PTPRG: variants seen among roughly 807,000 people sequenced by gnomAD.
PTPRG encodes protein tyrosine phosphatase receptor type G.
In PTPRG, 102 loss-of-function variants were observed where a neutral mutation model predicts 165.3. The ratio of observed to expected loss-of-function variants is 0.62; its 90% CI spans 0.53 to 0.73. PTPRG has a LOEUF of 0.73. Ranked by LOEUF, PTPRG falls within the 30% of genes least tolerant of loss-of-function variation. PTPRG has a pLI of 0.00. For synonymous variants in PTPRG, 675 were observed against 669.5 expected (o/e 1.01, Z -0.13); for missense variants, 1,866 against 1,861.4 (o/e 1.00, Z -0.05).
chr3:61,865,383 A>AT (rs1486205135), intron 2 of PTPRG, among the ~76,000 whole-genome samples: 1 of 152,078 alleles, frequency 6.6e-6, no homozygotes, highest in East Asian at 1.9e-4. Flanking sequence ...ATGTGTTGTT[A>AT]TTTTTTACTT....
chr3:62,136,792 AT>A (rs1372985941), intron 6 of PTPRG, among the ~76,000 whole-genome samples: 2 of 152,162 alleles, frequency 1.3e-5, no homozygotes, highest in African/African-American at 4.8e-5. Flanking sequence ...TTCCACCATG[AT>A]TATGAGGCCT....
chr3:61,646,912 T>C (rs1349600462), intron 1 of PTPRG, among the ~76,000 whole-genome samples: 6 of 152,220 alleles, frequency 3.9e-5, no homozygotes, highest in Admixed American at 3.9e-4. Context: ...CTTTACTCAG[T>C]GTAGCTCCCC....
At chr3:62,221,787 T>C (rs1700657188) in intron 13 of PTPRG, among the ~76,000 whole-genome samples, 1 of 152,230 alleles carries the variant, frequency 6.6e-6, no homozygotes, top group Non-Finnish European at 1.5e-5. Flanking sequence ...TTTGCAGTTA[T>C]TCTGATTTTT....
chr3:61,956,913 A>C (rs9830198), intron 2 of PTPRG, among the ~76,000 whole-genome samples: 14,336 of 152,150 alleles, frequency 0.094, 887 homozygotes, highest in African/African-American at 0.17. Context: ...AATTGCTTTG[A>C]GTCATCCCTG....
At chr3:62,106,512 T>C (rs1376663560) in intron 5 of PTPRG, among the ~76,000 whole-genome samples, 2 of 151,394 alleles carry the variant, frequency 1.3e-5, no homozygotes, top group Non-Finnish European at 2.9e-5. Flanking sequence ...GCTTTTTTTT[T>C]TTTTTTTTGG....
At position 62,095,180 on chromosome 3, in the gene PTPRG, T is replaced by C. The variant is rs143909662; in HGVS notation, c.615+16922T>C. ...GTCATAAAGCGAAGAGAGAGCACGG[T>C]GTACCATCACCAGTTGTTAAGCAGA... is the stretch of plus-strand genomic sequence containing the variant. On this transcript the variant is annotated intron_variant, in intron 5 of 29. Transcript: ENST00000474889. Among the ~76,000 whole-genome samples, 11 of 152,306 alleles carry C rather than the reference T, an allele frequency of 7.2e-5. 1 individual carries two copies. Among genetic ancestry groups the C allele is most frequent in the African/African-American group, 1.7e-4 (7 of 41,570 alleles).
At chr3:62,113,048 G>A (rs931109630) in intron 5 of PTPRG, among the ~76,000 whole-genome samples, 1 of 152,188 alleles carries the variant, frequency 6.6e-6, no homozygotes, top group African/African-American at 2.4e-5. Flanking sequence ...ATGTCTGAGA[G>A]ATGATTTAAC....
intron 4 of PTPRG, among the ~76,000 whole-genome samples, chr3:62,041,161 C>A (rs1044419849): frequency 3.3e-5 from 5 of 152,120 alleles, no homozygotes; most frequent in African/African-American, 9.7e-5. Flanking sequence ...TCGGCACTTA[C>A]AATATATTCA....
chr3:61,617,038 T>G (rs185059689), intron 1 of PTPRG, among the ~76,000 whole-genome samples: 101 of 152,344 alleles, frequency 6.6e-4, no homozygotes, highest in Middle Eastern at 6.8e-3. Context: ...TGCCTGATCC[T>G]GGTTTGTGTC....
chr3:61,880,731 G>A (rs1420687803), intron 2 of PTPRG, among the ~76,000 whole-genome samples: 4 of 151,916 alleles, frequency 2.6e-5, no homozygotes, highest in Non-Finnish European at 5.9e-5. Context: ...TGCATGAAAT[G>A]TTTAGCCAGA....
chr3:62,121,219 C>G (rs535418891), intron 5 of PTPRG, among the ~76,000 whole-genome samples: 1 of 151,818 alleles, frequency 6.6e-6, no homozygotes, highest in Non-Finnish European at 1.5e-5. Context: ...TCCCAAAGTG[C>G]TGGGATTACA....
intron 5 of PTPRG, among the ~76,000 whole-genome samples, chr3:62,109,973 C>T (rs1045625466): frequency 1.3e-5 from 2 of 152,052 alleles, no homozygotes; most frequent in African/African-American, 4.8e-5. Context: ...TTCCATGTTC[C>T]TGTGACATTC....
chr3:62,102,430 G>A (rs562137473), intron 5 of PTPRG, among the ~76,000 whole-genome samples: 4 of 152,162 alleles, frequency 2.6e-5, no homozygotes, highest in South Asian at 4.2e-4. Context: ...ACGCCTCCAC[G>A]CCTGGCTGAT....
intron 21 of PTPRG, among the ~76,000 whole-genome samples, chr3:62,272,529 G>A (rs928220696): frequency 2.0e-5 from 3 of 152,050 alleles, no homozygotes; most frequent in Admixed American, 6.6e-5. Flanking sequence ...AGTGAATAAC[G>A]TACGTCATCT....
intron 5 of PTPRG, among the ~76,000 whole-genome samples, chr3:62,122,492 G>A (rs1307648155): frequency 6.6e-6 from 1 of 152,150 alleles, no homozygotes; most frequent in Non-Finnish European, 1.5e-5. Context: ...AGAAAAAAAA[G>A]CTTTAGGATA....
intron 12 of PTPRG, among the ~76,000 whole-genome samples, chr3:62,204,908 G>T (rs1465307355): frequency 1.3e-5 from 2 of 152,096 alleles, no homozygotes; most frequent in African/African-American, 4.8e-5. Context: ...TTATTGTTGT[G>T]AGGGCTTTTC....
chr3:61,600,159 CA>C (rs376881197), intron 1 of PTPRG, among the ~76,000 whole-genome samples: 3,167 of 113,494 alleles, frequency 0.028, 90 homozygotes, highest in African/African-American at 0.077. Context: ...GACATTGTCT[CA>C]AAAAAAAAAA....
intron 2 of PTPRG, among the ~76,000 whole-genome samples, chr3:61,830,574 T>G (rs1172483647): frequency 5.9e-5 from 8 of 135,782 alleles, no homozygotes; most frequent in Middle Eastern, 3.8e-3. Context: ...TTGTTTTTTT[T>G]TTTTTTTTTT....
chr3:61,798,563 G>T (rs1388342301), intron 2 of PTPRG, among the ~76,000 whole-genome samples: 1 of 149,688 alleles, frequency 6.7e-6, no homozygotes, highest in Non-Finnish European at 1.5e-5. Context: ...GCATTTTAAA[G>T]AGTCTGTTCT....
Sources: allele counts gnomAD v4.1 joint callset (sites outside exome capture counted in the v4.1 genomes callset), GRCh38; gene constraint gnomAD v4.1.1; transcripts MANE v1.5; gene names NCBI Gene and HGNC (gene_info 2026-07-23, HGNC 2026-07-21).